The following LDAH variants were observed in gnomAD, a reference collection of about 807,000 sequenced individuals.
The protein encoded by LDAH is lipid droplet associated hydrolase.
LDAH carries 26 observed loss-of-function variants against 29.6 expected under a neutral mutation model. The observed-to-expected ratio is 0.88, with a 90% CI of 0.64 to 1.22. The LOEUF (loss-of-function observed/expected upper bound fraction) is 1.22. Ranked by LOEUF, LDAH falls within the 50% of genes most tolerant of loss-of-function variation. The pLI, the probability that LDAH is intolerant of heterozygous loss-of-function variation, is 0.00. For missense variants in LDAH, 344 were observed against 387.3 expected (o/e 0.89, Z 0.94); for synonymous variants, 117 against 133.0 (o/e 0.88, Z 0.83).
At chr2:20,811,726 C>G (rs1174079575) in intron 1 of LDAH, among the ~76,000 whole-genome samples, 1 of 152,026 alleles carries the variant, frequency 6.6e-6, no homozygotes, top group African/African-American at 2.4e-5. Flanking sequence ...CCTCGTGATC[C>G]ACCCCTCTCG....
At chr2:20,757,003 A>G (rs1424497237) in intron 4 of LDAH, among the ~76,000 whole-genome samples, 1 of 152,236 alleles carries the variant, frequency 6.6e-6, no homozygotes, top group African/African-American at 2.4e-5. Context: ...AATGGTGTTG[A>G]TAGGAGGTGA....
At chr2:20,743,683 A>C (rs1009104443) in intron 4 of LDAH, among the ~76,000 whole-genome samples, 1 of 152,070 alleles carries the variant, frequency 6.6e-6, no homozygotes, top group African/African-American at 2.4e-5. Flanking sequence ...TCTTTTCTTT[A>C]TGGAGATCTG....
intron 4 of LDAH, among the ~76,000 whole-genome samples, chr2:20,754,547 T>C (rs1668196847): frequency 7.0e-6 from 1 of 142,142 alleles, no homozygotes; most frequent in South Asian, 2.2e-4. Flanking sequence ...AAGTAAAGCA[T>C]GCAGTGGAGA....
chr2:20,694,555 G>A (rs548680687), intron 6 of LDAH, among the ~76,000 whole-genome samples: 6 of 152,272 alleles, frequency 3.9e-5, no homozygotes, highest in Non-Finnish European at 5.9e-5. Context: ...CCTCTCTTCC[G>A]TTTATTCCTA....
chr2:20,769,052 C>T (rs114005386), intron 4 of LDAH, among the ~76,000 whole-genome samples: 2,556 of 152,218 alleles, frequency 0.017, 65 homozygotes, highest in African/African-American at 0.059. Flanking sequence ...CATGCCCGAT[C>T]GACCCCTCCA....
intron 6 of LDAH, among the ~76,000 whole-genome samples, chr2:20,688,941 C>T (rs1019895011): frequency 2.7e-5 from 4 of 149,704 alleles, no homozygotes; most frequent in Non-Finnish European, 4.4e-5. Flanking sequence ...CTGTACCCAT[C>T]AACCCGTCAT....
intron 4 of LDAH, among the ~76,000 whole-genome samples, chr2:20,755,015 T>C: frequency 6.6e-6 from 1 of 152,124 alleles, no homozygotes; most frequent in Admixed American, 6.5e-5. Context: ...TGTGGTTGAT[T>C]AAGAGAATAT....
At chr2:20,805,527 T>C (rs189460143) in intron 1 of LDAH, among the ~76,000 whole-genome samples, 1 of 152,304 alleles carries the variant, frequency 6.6e-6, no homozygotes, top group Non-Finnish European at 1.5e-5. Context: ...GTTGTAATTA[T>C]ATACTGGTAA....
intron 4 of LDAH, among the ~76,000 whole-genome samples, chr2:20,743,920 A>C (rs1190493644): frequency 6.7e-6 from 1 of 149,108 alleles, no homozygotes; most frequent in Non-Finnish European, 1.5e-5. Context: ...TTTGCTTTCC[A>C]ATTTTGGAGG....
intron 4 of LDAH, among the ~76,000 whole-genome samples, chr2:20,745,829 C>T (rs1667531922): frequency 6.6e-6 from 1 of 152,112 alleles, no homozygotes; most frequent in Admixed American, 6.5e-5. Context: ...GTCACAAGTC[C>T]TATGACGGGG....
intron 6 of LDAH, among the ~76,000 whole-genome samples, chr2:20,687,722 T>A (rs1558374307): frequency 6.6e-6 from 1 of 152,202 alleles, no homozygotes; most frequent in Non-Finnish European, 1.5e-5. Flanking sequence ...CTCTGTGGCA[T>A]TACTAAGACC....
At chr2:20,802,150 C>T (rs1671752154) in intron 1 of LDAH, among the ~76,000 whole-genome samples, 1 of 151,990 alleles carries the variant, frequency 6.6e-6, no homozygotes, top group Admixed American at 6.6e-5. Flanking sequence ...AACTCTGCCT[C>T]CCAGGTTCAA....
chr2:20,724,620 A>G (rs17664438), intron 5 of LDAH, among the ~76,000 whole-genome samples: 36,121 of 152,150 alleles, frequency 0.24, 4,857 homozygotes, highest in East Asian at 0.36. Context: ...GTACTGGTAT[A>G]AAAGTGAGAT....
chr2:20,737,110 T>C (rs1666843998), intron 5 of LDAH, among the ~76,000 whole-genome samples: 1 of 152,176 alleles, frequency 6.6e-6, no homozygotes, highest in South Asian at 2.1e-4. Flanking sequence ...CTCTACTCTT[T>C]GGTGTTTCTG....
At chr2:20,729,336 ATATGT>A (rs1396190025) in intron 5 of LDAH, among the ~76,000 whole-genome samples, 20 of 152,356 alleles carry the variant, frequency 1.3e-4, no homozygotes, top group African/African-American at 4.3e-4. Context: ...GCACTTGATT[ATATGT>A]TATATGTGAC....
chr2:20,690,095 T>A lies in LDAH; in HGVS notation c.787-3001A>T, dbSNP rs543835508. 1.4e-4 allele frequency among the ~76,000 whole-genome samples: 22 copies of A among 152,312 alleles called. No homozygotes were observed. The South Asian group carries it at 2.1e-3, about 14-fold the overall frequency. ...CAATTACAACTTGAAATGTTTCCAA[T>A]GAGAAGTCCAGCTTGATAAGCCCTC... On this transcript the variant is annotated intron_variant, in intron 6 of 6. Coordinates refer to ENST00000237822, the MANE Select transcript of LDAH (RefSeq NM_021925.4).
At position 20,685,628 on chromosome 2, in the gene LDAH, A is replaced by C; in HGVS notation, c.*1275T>G. Reference sequence around the variant, plus strand: ...AGCGGAGGGACATCTCATTGTCCTTAGGGAATGATAATGCCATGAGGGATT... The same window carrying C: ...AGCGGAGGGACATCTCATTGTCCTTCGGGAATGATAATGCCATGAGGGATT... On this transcript the variant is annotated 3_prime_UTR_variant, in exon 7 of 7. Coordinates refer to ENST00000237822, the MANE Select transcript of LDAH (RefSeq NM_021925.4). 1 of 1,550,430 alleles carries C rather than the reference A, an allele frequency of 6.4e-7. No homozygotes were observed. The highest frequency in any genetic ancestry group is 8.7e-7 in the Non-Finnish European group (1 of 1,146,954).
chr2:20,687,054 T>G lies in LDAH; in HGVS notation c.827A>C (p.Lys276Thr). The change falls in exon 7 of 7, where the codon AAA becomes ACA. Residue 276 changes from lysine (K) to threonine (T), a missense_variant. Transcript: ENST00000237822. ...CTTCTTAATGTCTTCATAGTACTCT[T>G]TTGGACACCAAGGATCTATAGTACC... is the stretch of plus-strand genomic sequence containing the variant. ...YYGTIDPWCP[K>T]EYYEDIKKDF... 1 of 1,613,928 alleles carries G rather than the reference T, an allele frequency of 6.2e-7. No homozygotes were observed. The highest frequency in any genetic ancestry group is 8.5e-7 in the Non-Finnish European group (1 of 1,179,898).
At chr2:20,707,573 G>C (rs1348797019) in intron 5 of LDAH, among the ~76,000 whole-genome samples, 1 of 152,220 alleles carries the variant, frequency 6.6e-6, no homozygotes. Flanking sequence ...AAGCTGTAGT[G>C]AGTGAGAGAA....
Sources: gnomAD v4.1 joint callset for allele counts (sites outside exome capture counted in the v4.1 genomes callset) on GRCh38, gnomAD v4.1.1 for gene constraint, MANE v1.5 for transcripts, NCBI Gene and HGNC (gene_info 2026-07-23, HGNC 2026-07-21) for gene names.